Variants in AUTS2 observed in about 807,000 individuals in gnomAD.
AUTS2 encodes activator of transcription and developmental regulator AUTS2, also known as autism susceptibility gene 2 protein.
Under a neutral mutation model 112.4 loss-of-function variants are expected in AUTS2, and 17 were observed. The observed-to-expected ratio is 0.15, with a 90% CI of 0.10 to 0.23. The LOEUF (loss-of-function observed/expected upper bound fraction) is 0.23. Among genes scored for constraint, AUTS2 ranks in the 10% least tolerant of loss-of-function variants. AUTS2 has a pLI of 1.00. For missense variants in AUTS2, 1,510 were observed against 1,701.6 expected, an observed-to-expected ratio of 0.89 and a Z score of 1.98; for synonymous variants, 751 against 702.7, an observed-to-expected ratio of 1.07 and a Z score of -1.09.
intron 4 of AUTS2, among the ~76,000 whole-genome samples, chr7:70,220,785 AT>A (rs1224639265): frequency 1.3e-5 from 2 of 152,156 alleles, no homozygotes; most frequent in Non-Finnish European, 1.5e-5. Flanking sequence ...TATTCCTATC[AT>A]TTTTCCCCCA....
intron 2 of AUTS2, among the ~76,000 whole-genome samples, chr7:69,997,355 A>G (rs554387892): frequency 1.5e-4 from 23 of 152,200 alleles, no homozygotes; most frequent in Non-Finnish European, 2.6e-4. Flanking sequence ...CAATCTATGT[A>G]TTACACATTG....
intron 1 of AUTS2, among the ~76,000 whole-genome samples, chr7:69,828,803 C>T (rs917345341): frequency 6.6e-6 from 1 of 152,150 alleles, no homozygotes; most frequent in African/African-American, 2.4e-5. Flanking sequence ...GGATGAAAAA[C>T]AGCCATTTAA....
chr7:70,251,528 G>A (rs959826041), intron 4 of AUTS2, among the ~76,000 whole-genome samples: 4 of 151,982 alleles, frequency 2.6e-5, no homozygotes, highest in Admixed American at 6.6e-5. Context: ...TTGGAAAATT[G>A]TCTATTCAGT....
chr7:70,153,205 T>C (rs1289020480), intron 4 of AUTS2, among the ~76,000 whole-genome samples: 1 of 152,184 alleles, frequency 6.6e-6, no homozygotes, highest in Non-Finnish European at 1.5e-5. Context: ...GAAAATTTGG[T>C]ATATTCATAC....
intron 4 of AUTS2, among the ~76,000 whole-genome samples, chr7:70,297,669 C>T (rs1000035434): frequency 4.0e-5 from 6 of 151,864 alleles, no homozygotes; most frequent in Admixed American, 3.3e-4. Context: ...CTCCTGACCT[C>T]GTGATCCTCC....
intron 4 of AUTS2, among the ~76,000 whole-genome samples, chr7:70,207,532 G>A (rs1383076742): frequency 1.3e-5 from 2 of 152,106 alleles, no homozygotes; most frequent in Admixed American, 6.5e-5. Flanking sequence ...AGACCATTGA[G>A]GATTCAAATT....
At chr7:69,684,210 A>G (rs1027458781) in intron 1 of AUTS2, among the ~76,000 whole-genome samples, 1 of 152,152 alleles carries the variant, frequency 6.6e-6, no homozygotes, top group African/African-American at 2.4e-5. Flanking sequence ...AACTGGAGAA[A>G]GGAGAGACTA....
chr7:70,068,969 T>C (rs953259475), intron 2 of AUTS2, among the ~76,000 whole-genome samples: 1 of 152,238 alleles, frequency 6.6e-6, no homozygotes, highest in African/African-American at 2.4e-5. Context: ...TTTTCACCAC[T>C]AAGACATTTG....
chr7:69,951,670 C>G (rs971921986), intron 2 of AUTS2, among the ~76,000 whole-genome samples: 3 of 152,092 alleles, frequency 2.0e-5, no homozygotes, highest in Non-Finnish European at 4.4e-5. Flanking sequence ...TCAGAAGAGG[C>G]GATTCCAGGA....
intron 2 of AUTS2, among the ~76,000 whole-genome samples, chr7:69,911,910 A>G (rs552776152): frequency 3.9e-5 from 6 of 152,002 alleles, no homozygotes; most frequent in Non-Finnish European, 8.8e-5. Context: ...TGAAGGTGGA[A>G]TTTCACTGGG....
chr7:70,220,935 A>G (rs1369242708), intron 4 of AUTS2, among the ~76,000 whole-genome samples: 4 of 152,026 alleles, frequency 2.6e-5, no homozygotes, highest in African/African-American at 9.7e-5. Flanking sequence ...TATCTATCCT[A>G]TCCTCTTTTG....
At chr7:70,505,385 T>C (rs1039301469) in intron 5 of AUTS2, among the ~76,000 whole-genome samples, 6 of 152,180 alleles carry the variant, frequency 3.9e-5, no homozygotes, top group African/African-American at 1.4e-4. Flanking sequence ...TTGATCTTCC[T>C]AAATGCAGCT....
At chr7:69,891,798 TTTTTTTTTTTTTTG>T (rs1353108767) in intron 1 of AUTS2, among the ~76,000 whole-genome samples, 23 of 105,414 alleles carry the variant, frequency 2.2e-4, no homozygotes, top group South Asian at 1.1e-3. Flanking sequence ...TTTTTTTTTT[TTTTTTTTTTTTTTG>T]AGATGGAGTA....
At chr7:70,078,621 T>A (rs1354344550) in intron 2 of AUTS2, among the ~76,000 whole-genome samples, 1 of 152,198 alleles carries the variant, frequency 6.6e-6, no homozygotes, top group Non-Finnish European at 1.5e-5. Context: ...ATTAGGATAA[T>A]GTTTTAATAG....
intron 2 of AUTS2, among the ~76,000 whole-genome samples, chr7:69,938,795 A>G (rs1430848479): frequency 6.6e-6 from 1 of 152,182 alleles, no homozygotes; most frequent in Non-Finnish European, 1.5e-5. Context: ...AACAAGATCA[A>G]TTATAGGTGG....
intron 5 of AUTS2, among the ~76,000 whole-genome samples, chr7:70,508,161 G>C (rs1168579726): frequency 6.7e-6 from 1 of 150,036 alleles, no homozygotes; most frequent in Non-Finnish European, 1.5e-5. Flanking sequence ...GCTTTTTTTT[G>C]TTGTTGTTAT....
At chr7:70,392,900 T>C (rs756852414) in intron 4 of AUTS2, among the ~76,000 whole-genome samples, 2 of 152,194 alleles carry the variant, frequency 1.3e-5, no homozygotes, top group Non-Finnish European at 2.9e-5. Flanking sequence ...TATTCCTAGA[T>C]GATGATGTGT....
intron 5 of AUTS2, among the ~76,000 whole-genome samples, chr7:70,618,800 A>C (rs1445871372): frequency 6.6e-6 from 1 of 152,192 alleles, no homozygotes; most frequent in Non-Finnish European, 1.5e-5. Flanking sequence ...ACACAAAAGA[A>C]GAACAAGAGG....
chr7:69,809,572 C>G (rs1459248553), intron 1 of AUTS2, among the ~76,000 whole-genome samples: 1 of 152,208 alleles, frequency 6.6e-6, no homozygotes, highest in Non-Finnish European at 1.5e-5. Flanking sequence ...AATACCCATG[C>G]TCAGAACCTG....
Sources: allele counts gnomAD v4.1 joint callset (sites outside exome capture counted in the v4.1 genomes callset), GRCh38; gene constraint gnomAD v4.1.1; transcripts MANE v1.5; gene names NCBI Gene and HGNC (gene_info 2026-07-23, HGNC 2026-07-21).